The following AMMECR1 variants were observed in gnomAD, a reference collection of about 807,000 sequenced individuals.
AMMECR1 encodes the protein AMMECR nuclear protein 1.
AMMECR1 carries 3 observed loss-of-function variants against 22.5 expected under a neutral mutation model. The observed-to-expected ratio is 0.13, with a 90% confidence interval of 0.06 to 0.35. The LOEUF (loss-of-function observed/expected upper bound fraction) is 0.35. AMMECR1 is among the 10% of genes least tolerant of loss of function. The pLI is 1.00. For missense variants in AMMECR1, 235 were observed against 278.7 expected (o/e 0.84, Z 1.12); for synonymous variants, 130 against 116.7 (o/e 1.11, Z -0.74).
chrX:110,403,497 G>A (rs755192426), intron 2 of AMMECR1, among the ~76,000 whole-genome samples: 1 of 110,906 alleles, frequency 9.0e-6, no homozygotes, highest in Non-Finnish European at 1.9e-5. Flanking sequence ...CACATGCCCG[G>A]ATCCTTCTCC....
chrX:110,413,944 A>G (rs1260277772), intron 2 of AMMECR1, among the ~76,000 whole-genome samples: 1 of 111,719 alleles, frequency 9.0e-6, no homozygotes, highest in Non-Finnish European at 1.9e-5. Flanking sequence ...GGAAGATACT[A>G]TTGTGGTTTT....
chrX:110,293,859 G>T (rs1288077222), intron 1 of AMMECR1, among the ~76,000 whole-genome samples: 3 of 111,340 alleles, frequency 2.7e-5, no homozygotes, highest in Non-Finnish European at 5.7e-5. Context: ...CCCATCTACA[G>T]TCATCATCCT....
chrX:110,230,054 A>T (rs2067555871), intron 2 of AMMECR1, among the ~76,000 whole-genome samples: 1 of 113,157 alleles, frequency 8.8e-6, no homozygotes, highest in Non-Finnish European at 1.9e-5. Flanking sequence ...TACTGCCTCT[A>T]GACTCCACCT....
chrX:110,401,252 G>C (rs751578957), intron 2 of AMMECR1, among the ~76,000 whole-genome samples: 1 of 111,166 alleles, frequency 9.0e-6, no homozygotes, highest in Non-Finnish European at 1.9e-5. Flanking sequence ...ATGGTGAGCA[G>C]AGTCAGCTCT....
At position 110,195,147 on chromosome X, in the gene AMMECR1, C is replaced by T. The variant is rs2067363955; in HGVS notation, c.*3373G>A. ...TATTCCAGATGACAGTTTCAAATTT[C>T]CTGCACATTTGAAGACAAGATAAGA... On this transcript the variant is annotated 3_prime_UTR_variant, in exon 6 of 6. Coordinates refer to ENST00000262844, the MANE Select transcript of AMMECR1 (RefSeq NM_015365.3). 8.9e-6 allele frequency: 1 copy of T among 112,137 alleles called. No homozygotes were observed. The highest frequency in any genetic ancestry group is 3.2e-5 in the African/African-American group (1 of 30,818). The allele number at this position is 112,137 out of a possible 1,213,427, so 9.2% of individuals were successfully genotyped here.
intron 1 of AMMECR1, among the ~76,000 whole-genome samples, chrX:110,298,893 G>A (rs1299809855): frequency 2.7e-5 from 3 of 111,716 alleles, no homozygotes; most frequent in South Asian, 3.7e-4. Flanking sequence ...AACACAATAC[G>A]TTTTAATTAC....
chrX:110,356,911 C>T (rs1165176077), intron 2 of AMMECR1, among the ~76,000 whole-genome samples: 1 of 111,323 alleles, frequency 9.0e-6, no homozygotes, highest in Non-Finnish European at 1.9e-5. Flanking sequence ...AGTCTGTGTA[C>T]CTAACTACTA....
At chrX:110,319,081 C>G (rs2068068879), upstream of AMMECR1, among the ~76,000 whole-genome samples, 1 of 111,917 alleles carries the variant, frequency 8.9e-6, no homozygotes, top group Admixed American at 9.4e-5. Context: ...AGATTTTGTT[C>G]AAGTATATAA....
intron 2 of AMMECR1, among the ~76,000 whole-genome samples, chrX:110,406,823 T>C (rs1338582949): frequency 1.8e-5 from 2 of 112,287 alleles, no homozygotes; most frequent in Non-Finnish European, 1.9e-5. Context: ...TCCATAAATA[T>C]TGACTGATTG....
At chrX:110,408,364 G>A (rs779596134) in intron 2 of AMMECR1, among the ~76,000 whole-genome samples, 3 of 112,109 alleles carry the variant, frequency 2.7e-5, no homozygotes, top group Non-Finnish European at 5.6e-5. Context: ...AAATGCAAGA[G>A]GGTATTCAGA....
At chrX:110,282,904 C>G (rs1230997538) in intron 1 of AMMECR1, among the ~76,000 whole-genome samples, 1 of 111,332 alleles carries the variant, frequency 9.0e-6, no homozygotes, top group East Asian at 2.8e-4. Flanking sequence ...TTTACTTGCC[C>G]AAGACACTGT....
intron 2 of AMMECR1, among the ~76,000 whole-genome samples, chrX:110,420,994 G>A (rs1408501196): frequency 1.8e-5 from 2 of 111,573 alleles, no homozygotes; most frequent in South Asian, 3.8e-4. Context: ...TTACACCAGC[G>A]AGAGAGCTGC....
Position 110,429,458 on chromosome X carries a change from G to GT in AMMECR1, c.-293-2656dup, listed in dbSNP as rs554736940. Among the ~76,000 whole-genome samples the GT allele has an allele frequency of 9.0e-3, 726 of 80,662 alleles. 7 individuals are homozygous for GT. Among genetic ancestry groups the GT allele is most frequent in the Middle Eastern group, 0.025 (4 of 162 alleles). The allele number at this position is 80,662 out of a possible 115,157, so 70.0% of individuals were successfully genotyped here. A position where few individuals can be genotyped will look rare whatever the true frequency, so the allele number is the denominator to read the frequency against. ...AAACGATGATACTTAGAGAAAAAGT[G>GT]TTTTTTTTTTTTTTTGTTTTGTTTT... On this transcript the variant is annotated intron_variant, in intron 1 of 7. Coordinates refer to the AMMECR1 transcript ENST00000372057.
intron 2 of AMMECR1, among the ~76,000 whole-genome samples, chrX:110,263,706 CTG>C (rs1447162234): frequency 8.9e-6 from 1 of 111,837 alleles, no homozygotes; most frequent in Non-Finnish European, 1.9e-5. Context: ...TGGACAGACA[CTG>C]TGCATATTAC....
chrX:110,417,686 A>G (rs2068687660), intron 2 of AMMECR1, among the ~76,000 whole-genome samples: 3 of 112,277 alleles, frequency 2.7e-5, no homozygotes, highest in Admixed American at 1.9e-4. Context: ...TTCTGGAACT[A>G]TTACATTCTT....
At chrX:110,430,938 G>A (rs2068791833) in intron 1 of AMMECR1, among the ~76,000 whole-genome samples, 1 of 111,778 alleles carries the variant, frequency 8.9e-6, no homozygotes, top group Non-Finnish European at 1.9e-5. Context: ...TGGTTATAAT[G>A]ACACCTTGCA....
At chrX:110,434,463 G>A (rs959179194) in intron 1 of AMMECR1, among the ~76,000 whole-genome samples, 12 of 111,592 alleles carry the variant, frequency 1.1e-4, no homozygotes, top group South Asian at 3.8e-4. Flanking sequence ...AACCACGACC[G>A]TGGCAGTGAG....
At chrX:110,304,630 T>C (rs113636721) in intron 1 of AMMECR1, among the ~76,000 whole-genome samples, 9,397 of 111,690 alleles carry the variant, frequency 0.084, 1,002 homozygotes, top group African/African-American at 0.29. Flanking sequence ...CTTGTCAAGG[T>C]TTCATGACAT....
At chrX:110,431,698 C>G (rs1474304874) in intron 1 of AMMECR1, among the ~76,000 whole-genome samples, 1 of 111,852 alleles carries the variant, frequency 8.9e-6, no homozygotes, top group Non-Finnish European at 1.9e-5. Context: ...TTCATTGCCC[C>G]TGTCCTGCTG....
Sources: gnomAD v4.1 joint callset for allele counts (sites outside exome capture counted in the v4.1 genomes callset) on GRCh38, gnomAD v4.1.1 for gene constraint, MANE v1.5 for transcripts, NCBI Gene and HGNC (gene_info 2026-07-23, HGNC 2026-07-21) for gene names.